CCDC12: variants seen among roughly 807,000 people sequenced by gnomAD.
The protein encoded by CCDC12 is coiled-coil domain containing 12, also known as coiled-coil domain-containing protein 12.
A neutral mutation model predicts 25.7 loss-of-function variants in CCDC12; 28 were observed. That is an observed-to-expected ratio of 1.09 (90% CI 0.81 to 1.50). The LOEUF is 1.50. Among genes scored for constraint, CCDC12 ranks in the 40% most tolerant of loss-of-function variants. The pLI is 0.00. For missense variants in CCDC12, 198 were observed against 210.0 expected, an observed-to-expected ratio of 0.94 and a Z score of 0.35; for synonymous variants, 75 against 87.7, an observed-to-expected ratio of 0.86 and a Z score of 0.81.
chr3:46,964,345 C>T (rs1477206922), intron 1 of CCDC12, among the ~76,000 whole-genome samples: 2 of 151,028 alleles, frequency 1.3e-5, no homozygotes, highest in Non-Finnish European at 3.0e-5. Flanking sequence ...GGTCAGCCCC[C>T]GCCCGGCCAG....
At chr3:46,925,292 A>G (rs1449818979) in intron 3 of CCDC12, 164 bp downstream of exon 3, 1 of 722,882 alleles carries the variant, frequency 1.4e-6, no homozygotes, top group Non-Finnish European at 2.5e-6. Context: ...CTGCTGCCGA[A>G]GGCCGACTGT....
At chr3:46,962,687 G>A (rs4683282) in intron 1 of CCDC12, among the ~76,000 whole-genome samples, 143,894 of 152,226 alleles carry the variant, frequency 0.95, 68,573 homozygotes, top group East Asian at 1. Context: ...ACAAAAGGAT[G>A]CCACTATACC....
intron 1 of CCDC12, among the ~76,000 whole-genome samples, chr3:46,973,058 T>TAA (rs59781582): frequency 7.2e-6 from 1 of 139,180 alleles, no homozygotes. Flanking sequence ...CACCCGAATT[T>TAA]AAAAAAAAAA....
At chr3:46,951,792 A>ATATATATATAT (rs1439046255) in intron 1 of CCDC12, among the ~76,000 whole-genome samples, 4 of 24,980 alleles carry the variant, frequency 1.6e-4, no homozygotes, top group Non-Finnish European at 3.2e-4. Flanking sequence ...AAAAAAAAAA[A>ATATATATATAT]AAAAAAATAT....
intron 1 of CCDC12, among the ~76,000 whole-genome samples, chr3:46,950,094 G>A (rs2034057038): frequency 2.6e-5 from 4 of 151,464 alleles, no homozygotes; most frequent in Admixed American, 1.3e-4. Context: ...AAGTCCTGCT[G>A]TCCCTCAGCG....
intron 1 of CCDC12, chr3:46,976,348 C>T: frequency 2.2e-6 from 3 of 1,344,754 alleles, no homozygotes; most frequent in Non-Finnish European, 2.9e-6. Flanking sequence ...GCCCTAGATA[C>T]CTACACGAGC....
chr3:46,925,184 T>C, intron 3 of CCDC12: 1 of 637,042 alleles, frequency 1.6e-6, no homozygotes, highest in Non-Finnish European at 2.9e-6. Flanking sequence ...ATGTGGCCTT[T>C]TTCAAACCCC....
chr3:46,922,162 G>A, intron 6 of CCDC12, 23 bp from the exon 7 acceptor site: 1 of 1,614,230 alleles, frequency 6.2e-7, no homozygotes, highest in Non-Finnish European at 8.5e-7. Flanking sequence ...GCAGACAGAA[G>A]GGGTGGGGAG....
chr3:46,976,490 G>A (rs993014889), intron 1 of CCDC12, 147 bp downstream of exon 1: 11 of 1,435,676 alleles, frequency 7.7e-6, no homozygotes, highest in East Asian at 2.5e-5. Context: ...TCGTGGGAGG[G>A]CGCCGTCTTC....
intron 2 of CCDC12, among the ~76,000 whole-genome samples, chr3:46,934,342 C>T (rs949549528): frequency 1.3e-5 from 2 of 152,254 alleles, no homozygotes; most frequent in Admixed American, 1.3e-4. Flanking sequence ...CCAGCAGCTG[C>T]TGCACTCTGC....
intron 3 of CCDC12, chr3:46,923,918 G>A (rs1212972919): frequency 7.7e-6 from 3 of 389,888 alleles, no homozygotes; most frequent in East Asian, 3.7e-5. Flanking sequence ...GCCACAGTCA[G>A]TCAGGAAGCA....
At chr3:46,923,459 G>A (rs752624473) in intron 4 of CCDC12, 96 bp from the exon 5 acceptor site, 2 of 1,516,954 alleles carry the variant, frequency 1.3e-6, no homozygotes, top group Non-Finnish European at 1.8e-6. Context: ...GAAAGAGGAG[G>A]AGGAAGGAGA....
At chr3:46,944,703 C>T (rs1319116164) in intron 1 of CCDC12, among the ~76,000 whole-genome samples, 1 of 152,018 alleles carries the variant, frequency 6.6e-6, no homozygotes, top group Admixed American at 6.6e-5. Flanking sequence ...TTCCCCTCTA[C>T]TCTGGAGAAT....
upstream of CCDC12, among the ~76,000 whole-genome samples, chr3:46,981,714 T>G (rs183870319): frequency 3.9e-5 from 6 of 152,130 alleles, no homozygotes; most frequent in Non-Finnish European, 5.9e-5. Flanking sequence ...AAAGGGGGCT[T>G]AAACCAGCTG....
intron 1 of CCDC12, among the ~76,000 whole-genome samples, chr3:46,956,812 T>G (rs1463549621): frequency 9.0e-6 from 1 of 111,666 alleles, no homozygotes; most frequent in African/African-American, 3.2e-5. Context: ...TGAGTCCCTG[T>G]CACCACCACA....
intron 1 of CCDC12, among the ~76,000 whole-genome samples, chr3:46,948,749 C>T (rs994505847): frequency 2.0e-5 from 3 of 152,258 alleles, no homozygotes; most frequent in Non-Finnish European, 2.9e-5. Flanking sequence ...ATGCCTAGTG[C>T]AGCTCCTCGC....
intron 2 of CCDC12, among the ~76,000 whole-genome samples, chr3:46,929,798 G>A (rs890021556): frequency 2.6e-5 from 4 of 151,608 alleles, no homozygotes; most frequent in African/African-American, 9.7e-5. Context: ...AGGCCGAGGC[G>A]GGTGGATCAC....
intron 3 of CCDC12, 179 bp from the exon 4 acceptor site, chr3:46,923,847 C>A: frequency 4.5e-6 from 2 of 443,406 alleles, no homozygotes; most frequent in Non-Finnish European, 3.9e-6. Flanking sequence ...GAGGAGGGGC[C>A]TGGGTTTCCC....
At chr3:46,937,199 C>G (rs2033481404) in intron 2 of CCDC12, among the ~76,000 whole-genome samples, 1 of 152,188 alleles carries the variant, frequency 6.6e-6, no homozygotes, top group Non-Finnish European at 1.5e-5. Flanking sequence ...GGGGTGATGT[C>G]TGTTCATGCC....
Sources: gnomAD v4.1 joint callset for allele counts (sites outside exome capture counted in the v4.1 genomes callset) on GRCh38, gnomAD v4.1.1 for gene constraint, MANE v1.5 for transcripts, NCBI Gene and HGNC (gene_info 2026-07-23, HGNC 2026-07-21) for gene names.